The following CHAF1B variants were observed in gnomAD, a reference collection of about 807,000 sequenced individuals.
CHAF1B encodes the protein CAF-1 subunit B.
A neutral mutation model predicts 60.7 loss-of-function variants in CHAF1B; 10 were observed. That is an observed-to-expected ratio of 0.16 (90% CI 0.10 to 0.28). The LOEUF is 0.28. Ranked by LOEUF, CHAF1B falls within the 10% of genes least tolerant of loss-of-function variation. The probability of loss-of-function intolerance (pLI) is 1.00; values close to 1 mark genes in which losing one functional copy is unlikely to be tolerated. For synonymous variants in CHAF1B, 261 were observed against 266.1 expected (o/e 0.98, Z 0.19); for missense variants, 558 against 708.4 (o/e 0.79, Z 2.41).
intron 9 of CHAF1B, among the ~76,000 whole-genome samples, 154 bp downstream of exon 9, chr21:36,408,984 A>G (rs976454402): frequency 6.6e-6 from 1 of 151,952 alleles, no homozygotes; most frequent in Non-Finnish European, 1.5e-5. Context: ...CCTCTTGAGT[A>G]GGTGGGATTA....
At chr21:36,405,042 CGCCCA>C (rs66712452) in intron 8 of CHAF1B, among the ~76,000 whole-genome samples, 96,563 of 151,414 alleles carry the variant, frequency 0.64, 33,461 homozygotes, top group Non-Finnish European at 0.78. Context: ...TGAGCCACTG[CGCCCA>C]GCCCCAGTAG....
At chr21:36,411,009 T>C (rs2086274206) in intron 10 of CHAF1B, among the ~76,000 whole-genome samples, 1 of 152,270 alleles carries the variant, frequency 6.6e-6, no homozygotes, top group African/African-American at 2.4e-5. Context: ...CTCCTCATTG[T>C]GGGTCATATC....
chr21:36,399,368 C>T, intron 6 of CHAF1B, 153 bp from the exon 7 acceptor site: 1 of 648,960 alleles, frequency 1.5e-6, no homozygotes, highest in Non-Finnish European at 2.7e-6. Context: ...ATACTTGCTT[C>T]CTTCTTAATT....
chr21:36,399,381 C>G lies in CHAF1B; in HGVS notation c.579-140C>G. The stretch of plus-strand genomic sequence containing the variant: ...TAATACTTGCTTCCTTCTTAATTAC[C>G]CAGTTGTGAATATCATTGGTAAAAG... On this transcript the variant is annotated intron_variant, in intron 6 of 13. Coordinates refer to ENST00000314103, the MANE Select transcript of CHAF1B (RefSeq NM_005441.3). 3 of 687,560 alleles carry G rather than the reference C, an allele frequency of 4.4e-6. No individual in the cohort carries two copies. The South Asian group carries it at 5.4e-5, about 12-fold the overall frequency. The allele number at this position is 687,560 out of a possible 1,614,324, so 42.6% of individuals were successfully genotyped here.
chr21:36,396,829 C>G (rs541310614), intron 5 of CHAF1B, among the ~76,000 whole-genome samples: 17 of 152,240 alleles, frequency 1.1e-4, no homozygotes, highest in Non-Finnish European at 2.2e-4. Context: ...CACCTCCTAA[C>G]TAGTGACCCT....
chr21:36,416,628 A>G lies in CHAF1B; in HGVS notation c.*262A>G, dbSNP rs757442115. 1.2e-5 allele frequency: 4 copies of G among 320,174 alleles called. No homozygotes were observed. Among genetic ancestry groups the G allele is most frequent in the African/African-American group, 2.1e-5 (1 of 47,820 alleles). The allele number at this position is 320,174 out of a possible 1,614,324, so 19.8% of individuals were successfully genotyped here. On this transcript the variant is annotated 3_prime_UTR_variant, in exon 14 of 14. Coordinates refer to ENST00000314103, the MANE Select transcript of CHAF1B (RefSeq NM_005441.3). ...GAGTTTCTGAAACTGGAGCGGTTCA[A>G]CGTTATCCAGTGTGAAAATCAGTGA... is the stretch of plus-strand genomic sequence containing the variant.
At chr21:36,402,200 T>C (rs1457191072) in intron 7 of CHAF1B, among the ~76,000 whole-genome samples, 2 of 152,188 alleles carry the variant, frequency 1.3e-5, no homozygotes, top group East Asian at 1.9e-4. Context: ...GTGCCTGTAG[T>C]CCCAGGAGGC....
rs375118597 is a variant in CHAF1B, at chr21:36,399,278, C to T, written c.579-243C>T. Among the ~76,000 whole-genome samples the T allele has an allele frequency of 9.7e-4, 148 of 152,048 alleles. 1 individual carries two copies. The highest frequency in any genetic ancestry group is 8.1e-3 in the South Asian group (39 of 4,812). On this transcript the variant is annotated intron_variant, in intron 6 of 13. Coordinates refer to ENST00000314103, the MANE Select transcript of CHAF1B (RefSeq NM_005441.3). ...CTCGAACTCCTGACCTCAAGTGATT[C>T]ACCCGCCTCTGCCTCCCAAAGTGTC...
intron 3 of CHAF1B, among the ~76,000 whole-genome samples, chr21:36,389,464 G>T (rs1011002675): frequency 2.0e-5 from 3 of 151,816 alleles, no homozygotes; most frequent in Admixed American, 1.3e-4. Context: ...AAATTAGCTG[G>T]GCATGGTGGT....
At chr21:36,392,600 C>T (rs977386359) in intron 4 of CHAF1B, among the ~76,000 whole-genome samples, 115 of 151,762 alleles carry the variant, frequency 7.6e-4, no homozygotes, top group African/African-American at 2.7e-3. Flanking sequence ...AGATGCTCCT[C>T]TCTTCCCAGA....
Position 36,417,370 on chromosome 21 carries a change from C to T in CHAF1B, c.*1004C>T, listed in dbSNP as rs577328318. On this transcript the variant is annotated 3_prime_UTR_variant, in exon 14 of 14. Transcript: ENST00000314103. ...TTTGAGATGGAGTCTCACTCTGTCG[C>T]CCAGGCTGGAGTACAGTGGCACAAT... The T allele has an allele frequency of 4.6e-5, 7 of 151,876 alleles. No homozygotes were observed. Among genetic ancestry groups the T allele is most frequent in the Non-Finnish European group, 8.8e-5 (6 of 68,010 alleles). 9.4% of individuals were successfully genotyped at this position (151,876 alleles called of 1,614,324 possible). A position where few individuals can be genotyped will look rare whatever the true frequency, so the allele number is the denominator to read the frequency against.
At chr21:36,389,759 A>ATATATGTGTG (rs1491586590) in intron 3 of CHAF1B, among the ~76,000 whole-genome samples, 3 of 125,812 alleles carry the variant, frequency 2.4e-5, no homozygotes, top group Admixed American at 1.6e-4. Context: ...GCATGAAGGG[A>ATATATGTGTG]TGTGTGTGTG....
intron 12 of CHAF1B, among the ~76,000 whole-genome samples, chr21:36,414,894 C>T (rs1171804141): frequency 3.3e-5 from 5 of 152,106 alleles, no homozygotes; most frequent in African/African-American, 2.4e-5. Flanking sequence ...ATTACAGGTG[C>T]GAACCATCTT....
intron 3 of CHAF1B, 94 bp from the exon 4 acceptor site, chr21:36,391,457 C>G: frequency 2.8e-6 from 2 of 714,512 alleles, no homozygotes; most frequent in Non-Finnish European, 4.5e-6. Flanking sequence ...GGGTGAGACT[C>G]CGTCTCAAAA....
intron 11 of CHAF1B, 66 bp downstream of exon 11, chr21:36,411,670 G>A (rs1460064993): frequency 4.5e-6 from 7 of 1,565,984 alleles, no homozygotes; most frequent in East Asian, 4.5e-5. Flanking sequence ...AAGACACCCC[G>A]GGGTTAGGGA....
At chr21:36,386,383 G>GATTAC in intron 2 of CHAF1B, 121 bp downstream of exon 2, 2 of 1,263,598 alleles carry the variant, frequency 1.6e-6, no homozygotes, top group Non-Finnish European at 2.2e-6. Flanking sequence ...AGTGCTTTGG[G>GATTAC]AGGCTGAGGT....
intron 5 of CHAF1B, among the ~76,000 whole-genome samples, chr21:36,396,358 C>CAAAAAAAAAAAAA (rs777079304): frequency 1.5e-4 from 8 of 52,828 alleles, no homozygotes; most frequent in African/African-American, 3.4e-4. Context: ...CCAAAAACCT[C>CAAAAAAAAAAAAA]AAAAAAAAAA....
intron 3 of CHAF1B, among the ~76,000 whole-genome samples, chr21:36,389,558 T>C (rs2086065224): frequency 6.6e-6 from 1 of 150,532 alleles, no homozygotes; most frequent in Admixed American, 6.7e-5. Flanking sequence ...TGAGCCAAGA[T>C]TGGGCCATTG....
intron 12 of CHAF1B, 117 bp downstream of exon 12, chr21:36,413,432 GC>G: frequency 2.1e-6 from 2 of 955,002 alleles, no homozygotes; most frequent in Non-Finnish European, 3.0e-6. Flanking sequence ...CCAGTAGGTT[GC>G]CAGAGAGATT....
Sources: gnomAD v4.1 joint callset for allele counts (sites outside exome capture counted in the v4.1 genomes callset) on GRCh38, gnomAD v4.1.1 for gene constraint, MANE v1.5 for transcripts, NCBI Gene and HGNC (gene_info 2026-07-23, HGNC 2026-07-21) for gene names.